The following EYS variants were observed in gnomAD, a reference collection of about 807,000 sequenced individuals.
EYS encodes EGF-like photoreceptor maintenance factor, also known as protein eyes shut homolog.
A neutral mutation model predicts 282.1 loss-of-function variants in EYS; 250 were observed. That is an observed-to-expected ratio of 0.89 (90% CI 0.80 to 0.98). EYS has a LOEUF of 0.98. Ranked by LOEUF, EYS falls within the 50% of genes least tolerant of loss-of-function variation. EYS has a pLI of 0.00. For synonymous variants in EYS, 1,355 were observed against 1,282.9 expected, an observed-to-expected ratio of 1.06 and a Z score of -1.20; for missense variants, 4,016 against 3,709.0, an observed-to-expected ratio of 1.08 and a Z score of -2.15.
At chr6:64,054,465 G>T (rs545337000) in intron 33 of EYS, among the ~76,000 whole-genome samples, 2 of 152,232 alleles carry the variant, frequency 1.3e-5, no homozygotes, top group Non-Finnish European at 2.9e-5. Flanking sequence ...TGAGACTTGG[G>T]TATTAGAGGA....
chr6:64,145,056 G>A (rs4074311), intron 31 of EYS, among the ~76,000 whole-genome samples: 2,855 of 152,110 alleles, frequency 0.019, 77 homozygotes, highest in African/African-American at 0.065. Flanking sequence ...GTTATTCTAT[G>A]AACACAAAAG....
intron 35 of EYS, among the ~76,000 whole-genome samples, chr6:63,973,678 A>C (rs940266361): frequency 1.3e-5 from 2 of 152,158 alleles, no homozygotes; most frequent in Non-Finnish European, 2.9e-5. Flanking sequence ...CACAGACAAC[A>C]CTTGGTAATT....
chr6:64,673,030 T>C (rs1769520638), intron 22 of EYS, among the ~76,000 whole-genome samples: 1 of 152,180 alleles, frequency 6.6e-6, no homozygotes, highest in African/African-American at 2.4e-5. Context: ...ATAGTTAGTC[T>C]TGCTCTGCTT....
chr6:64,044,824 A>G (rs1770547152), intron 33 of EYS, among the ~76,000 whole-genome samples: 2 of 152,198 alleles, frequency 1.3e-5, no homozygotes, highest in African/African-American at 4.8e-5. Flanking sequence ...AGATGAGCAC[A>G]AAAATAAAAG....
intron 31 of EYS, among the ~76,000 whole-genome samples, chr6:64,202,152 G>A (rs1295917505): frequency 2.0e-5 from 3 of 152,104 alleles, no homozygotes; most frequent in African/African-American, 2.4e-5. Context: ...AGGAGTCTTC[G>A]CAGACTGCTG....
At chr6:64,802,897 G>A (rs1189990964) in intron 22 of EYS, among the ~76,000 whole-genome samples, 3 of 152,150 alleles carry the variant, frequency 2.0e-5, no homozygotes, top group African/African-American at 7.2e-5. Context: ...TAAACTGATG[G>A]CAGCCACAAG....
chr6:65,548,817 C>G (rs528261460), intron 2 of EYS, among the ~76,000 whole-genome samples: 2 of 152,336 alleles, frequency 1.3e-5, no homozygotes, highest in African/African-American at 4.8e-5. Flanking sequence ...TCAACTCAAA[C>G]TTGCTCAAAG....
chr6:65,353,227 CTA>C (rs201155768), intron 9 of EYS, among the ~76,000 whole-genome samples: 1,665 of 152,070 alleles, frequency 0.011, 56 homozygotes, highest in Admixed American at 0.075. Context: ...GGAAATAGCT[CTA>C]GTTTACTTCA....
intron 5 of EYS, among the ~76,000 whole-genome samples, chr6:65,411,230 A>G (rs1279748555): frequency 6.6e-6 from 1 of 152,090 alleles, no homozygotes; most frequent in Non-Finnish European, 1.5e-5. Context: ...AAAATATACA[A>G]AAACAAATGC....
chr6:65,166,660 G>C (rs757388708), intron 12 of EYS, among the ~76,000 whole-genome samples: 65 of 151,022 alleles, frequency 4.3e-4, no homozygotes, highest in Non-Finnish European at 7.7e-4. Flanking sequence ...CTTGGATTAA[G>C]CAATAGTTTT....
chr6:65,251,114 A>C (rs552085353), intron 12 of EYS, among the ~76,000 whole-genome samples: 29 of 151,566 alleles, frequency 1.9e-4, no homozygotes, highest in African/African-American at 6.5e-4. Flanking sequence ...TGAATAGACA[A>C]ATGTACACTT....
intron 12 of EYS, among the ~76,000 whole-genome samples, chr6:65,182,388 T>C (rs1003397881): frequency 1.7e-4 from 26 of 151,602 alleles, no homozygotes; most frequent in African/African-American, 6.3e-4. Context: ...TTAAAAGTTT[T>C]GTTTTTTTAA....
chr6:64,850,677 A>G (rs536197138), intron 19 of EYS, among the ~76,000 whole-genome samples: 61 of 152,200 alleles, frequency 4.0e-4, no homozygotes, highest in Non-Finnish European at 6.9e-4. Flanking sequence ...ATTGAAAGCC[A>G]CTAAAGTTTT....
chr6:64,675,028 GC>G lies in EYS; in HGVS notation c.3444-48784del, dbSNP rs545316422. Among the ~76,000 whole-genome samples, 167 of 152,026 alleles carry G rather than the reference GC, an allele frequency of 1.1e-3. 1 individual carries two copies. The highest frequency in any genetic ancestry group is 6.8e-3 in the Middle Eastern group (2 of 294). ...ATAACCCACTTTTATTTCTACTGTT[GC>G]CCAAATCAACATGTCCAACATAAAA... On this transcript the variant is annotated intron_variant, in intron 22 of 42. Transcript: ENST00000503581.
At chr6:65,498,660 G>GA (rs201814171) in intron 2 of EYS, among the ~76,000 whole-genome samples, 65 of 150,768 alleles carry the variant, frequency 4.3e-4, no homozygotes, top group African/African-American at 9.5e-4. Context: ...AGCAGCAAAG[G>GA]AAAAAAAACA....
intron 14 of EYS, among the ~76,000 whole-genome samples, chr6:64,996,639 A>T (rs1405330104): frequency 6.6e-6 from 1 of 150,974 alleles, no homozygotes; most frequent in African/African-American, 2.4e-5. Flanking sequence ...CCTCTGGAGT[A>T]ACTCTGTTTC....
chr6:65,077,093 G>A (rs982227785), intron 12 of EYS, among the ~76,000 whole-genome samples: 8 of 151,974 alleles, frequency 5.3e-5, no homozygotes, highest in African/African-American at 1.9e-4. Context: ...CACACACACA[G>A]CATCAGGTGT....
intron 12 of EYS, among the ~76,000 whole-genome samples, chr6:65,144,446 T>C (rs1764423988): frequency 6.6e-6 from 1 of 152,210 alleles, no homozygotes; most frequent in Admixed American, 6.5e-5. Context: ...TATATTACCT[T>C]TGAATGGAAA....
chr6:64,686,532 G>A lies in EYS; in HGVS notation c.3444-60287C>T, dbSNP rs557791158. The stretch of plus-strand genomic sequence containing the variant: ...CGAGGCGGGCGGATCACGAGGTCAG[G>A]AGATCGAGACCATCCTGGTTAATGC... On this transcript the variant is annotated intron_variant, in intron 22 of 42. Transcript: ENST00000503581. Among the ~76,000 whole-genome samples the A allele has an allele frequency of 3.3e-5, 5 of 150,880 alleles. No individual in the cohort carries two copies. In the East Asian group the frequency reaches 5.9e-4, roughly 18 times the overall value.
Sources: allele counts gnomAD v4.1 joint callset (sites outside exome capture counted in the v4.1 genomes callset), GRCh38; gene constraint gnomAD v4.1.1; transcripts MANE v1.5; gene names NCBI Gene and HGNC (gene_info 2026-07-23, HGNC 2026-07-21).